The following LRP1B variants were observed in gnomAD, a reference collection of about 807,000 sequenced individuals.
LRP1B encodes the protein LDL receptor related protein 1B.
In LRP1B, 217 loss-of-function variants were observed where a neutral mutation model predicts 556.6. The ratio of observed to expected loss-of-function variants is 0.39; its 90% CI spans 0.35 to 0.44. The LOEUF is 0.44. Among genes scored for constraint, LRP1B ranks in the 20% least tolerant of loss-of-function variants. The probability of loss-of-function intolerance (pLI) is 1.00; values close to 1 mark genes in which losing one functional copy is unlikely to be tolerated. For missense variants in LRP1B, 5,053 were observed against 5,620.8 expected, an observed-to-expected ratio of 0.90 and a Z score of 3.23; for synonymous variants, 2,047 against 1,865.8, an observed-to-expected ratio of 1.10 and a Z score of -2.50.
At chr2:140,908,542 G>A (rs1048761024) in intron 21 of LRP1B, among the ~76,000 whole-genome samples, 2 of 151,600 alleles carry the variant, frequency 1.3e-5, no homozygotes, top group African/African-American at 4.8e-5. Context: ...TCAGGTAAAT[G>A]CCTCATTTTA....
chr2:140,262,068 TAAA>T (rs575434295), intron 86 of LRP1B, among the ~76,000 whole-genome samples: 1 of 150,866 alleles, frequency 6.6e-6, no homozygotes, highest in African/African-American at 2.4e-5. Flanking sequence ...GAATTACTAT[TAAA>T]AAAAAAGATC....
rs79047388 is a variant in LRP1B at position 140,657,580 on chromosome 2, T to C, written c.6799+42670A>G. Among the ~76,000 whole-genome samples, 78 of 45,284 alleles carry C rather than the reference T, an allele frequency of 1.7e-3. 1 individual carries two copies. Among genetic ancestry groups the C allele is most frequent in the East Asian group, 4.6e-3 (7 of 1,534 alleles). The allele number at this position is 45,284 out of a possible 152,430, so 29.7% of individuals were successfully genotyped here. A position where few individuals can be genotyped will look rare whatever the true frequency, so the allele number is the denominator to read the frequency against. On this transcript the variant is annotated intron_variant, in intron 41 of 90. Coordinates refer to ENST00000389484, the MANE Select transcript of LRP1B (RefSeq NM_018557.3). ...ATATATATATACACATACATACATA[T>C]ATATACATACATACATATATATACA...
chr2:141,053,283 C>T (rs2105452428), intron 10 of LRP1B, among the ~76,000 whole-genome samples: 3 of 151,990 alleles, frequency 2.0e-5, no homozygotes, highest in Middle Eastern at 6.8e-3. Flanking sequence ...CTTTTTGCCG[C>T]TTCTGCTGGT....
rs72983115 is a variant in LRP1B at position 141,369,166 on chromosome 2, T to C, written c.343+111230A>G. Among the ~76,000 whole-genome samples the C allele has an allele frequency of 4.3e-3, 661 of 152,180 alleles. 6 individuals are homozygous for C. Among genetic ancestry groups the C allele is most frequent in the African/African-American group, 0.015 (620 of 41,556 alleles). On this transcript the variant is annotated intron_variant, in intron 3 of 90. Coordinates refer to ENST00000389484, the MANE Select transcript of LRP1B (RefSeq NM_018557.3). ...AATAAAACAAATTTTAAAAAGCCCA[T>C]CTAAATAGGAACAAAGATTATTTAA...
intron 1 of LRP1B, among the ~76,000 whole-genome samples, chr2:142,009,141 A>G (rs543250220): frequency 1.3e-5 from 2 of 152,312 alleles, no homozygotes; most frequent in African/African-American, 4.8e-5. Flanking sequence ...TTTGTTTGGA[A>G]AGGGTATTTT....
chr2:141,370,118 T>A (rs1362592591), intron 3 of LRP1B, among the ~76,000 whole-genome samples: 2 of 152,164 alleles, frequency 1.3e-5, no homozygotes, highest in Non-Finnish European at 2.9e-5. Context: ...AGTGCAGGTA[T>A]CTTTTTGATG....
At chr2:140,697,701 G>A (rs1227647732) in intron 41 of LRP1B, among the ~76,000 whole-genome samples, 1 of 152,012 alleles carries the variant, frequency 6.6e-6, no homozygotes, top group Non-Finnish European at 1.5e-5. Flanking sequence ...ACAAATACAT[G>A]ATGATTCCAC....
intron 59 of LRP1B, among the ~76,000 whole-genome samples, chr2:140,484,346 A>AT (rs1688376874): frequency 6.6e-6 from 1 of 152,170 alleles, no homozygotes; most frequent in African/African-American, 2.4e-5. Context: ...GACCAAAAAA[A>AT]TTAACAGAGA....
chr2:141,332,255 C>T (rs2105496440), intron 3 of LRP1B, among the ~76,000 whole-genome samples: 1 of 152,064 alleles, frequency 6.6e-6, no homozygotes, highest in African/African-American at 2.4e-5. Context: ...CTGAGTTTAT[C>T]TTCTGCAAAA....
At chr2:141,243,609 T>C (rs547452586) in intron 5 of LRP1B, among the ~76,000 whole-genome samples, 2 of 152,302 alleles carry the variant, frequency 1.3e-5, no homozygotes, top group African/African-American at 4.8e-5. Flanking sequence ...TATTCAACTA[T>C]GCATACTTAA....
At chr2:141,354,117 T>C (rs953008886) in intron 3 of LRP1B, among the ~76,000 whole-genome samples, 1 of 151,966 alleles carries the variant, frequency 6.6e-6, no homozygotes, top group Non-Finnish European at 1.5e-5. Context: ...GTACTATGCT[T>C]ATCACCTGGA....
chr2:141,601,991 C>T (rs1162509152), intron 2 of LRP1B, among the ~76,000 whole-genome samples: 1 of 152,128 alleles, frequency 6.6e-6, no homozygotes, highest in Non-Finnish European at 1.5e-5. Context: ...CAGTTCTACT[C>T]AGAGTAACAG....
At chr2:142,109,182 A>G (rs1347244671) in intron 1 of LRP1B, among the ~76,000 whole-genome samples, 1 of 152,214 alleles carries the variant, frequency 6.6e-6, no homozygotes, top group Admixed American at 6.5e-5. Context: ...CAACTTAAAG[A>G]GACTAACAAC....
At chr2:140,937,466 T>C (rs1307407626) in intron 20 of LRP1B, among the ~76,000 whole-genome samples, 1 of 152,094 alleles carries the variant, frequency 6.6e-6, no homozygotes, top group Non-Finnish European at 1.5e-5. Flanking sequence ...TAGGTAATTA[T>C]TGTTTAATGG....
intron 43 of LRP1B, among the ~76,000 whole-genome samples, chr2:140,597,782 G>A (rs990834436): frequency 2.0e-5 from 3 of 152,124 alleles, no homozygotes; most frequent in East Asian, 1.9e-4. Flanking sequence ...TGTTAGTGCC[G>A]TGAAACACTG....
rs1702132791 is a variant in LRP1B, at chr2:141,158,889, A to G, written c.1013+29532T>C. Among the ~76,000 whole-genome samples the G allele has an allele frequency of 3.3e-5, 5 of 152,148 alleles. 1 individual carries two copies. The South Asian group carries it at 1.0e-3, about 32-fold the overall frequency. Reference sequence around the variant, plus strand: ...AATTGGTGAACTGTAACTCAGCTGGAAGCATCAATCTGGAGTTTTTATAGT... The same window carrying G: ...AATTGGTGAACTGTAACTCAGCTGGGAGCATCAATCTGGAGTTTTTATAGT... On this transcript the variant is annotated intron_variant, in intron 7 of 90. Coordinates refer to ENST00000389484, the MANE Select transcript of LRP1B (RefSeq NM_018557.3).
chr2:141,433,323 T>C (rs1185100549), intron 3 of LRP1B, among the ~76,000 whole-genome samples: 1 of 152,080 alleles, frequency 6.6e-6, no homozygotes, highest in African/African-American at 2.4e-5. Flanking sequence ...CATAGTCCTA[T>C]CCTAGAAAGT....
chr2:140,439,414 A>C (rs1237209875), intron 66 of LRP1B, among the ~76,000 whole-genome samples: 1 of 152,140 alleles, frequency 6.6e-6, no homozygotes, highest in Non-Finnish European at 1.5e-5. Context: ...GAGTAAATAG[A>C]AGTGATTTTA....
chr2:140,895,782 T>G (rs1693936909), intron 23 of LRP1B, among the ~76,000 whole-genome samples: 1 of 151,876 alleles, frequency 6.6e-6, no homozygotes, highest in Non-Finnish European at 1.5e-5. Flanking sequence ...TCCCCTGGAG[T>G]TCTGCTGTCC....
Sources: gnomAD v4.1 joint callset for allele counts (sites outside exome capture counted in the v4.1 genomes callset) on GRCh38, gnomAD v4.1.1 for gene constraint, MANE v1.5 for transcripts, NCBI Gene and HGNC (gene_info 2026-07-23, HGNC 2026-07-21) for gene names.